The following ITGA9 variants were observed in gnomAD, a reference collection of about 807,000 sequenced individuals.
ITGA9 encodes integrin alpha-9.
A neutral mutation model predicts 127.8 loss-of-function variants in ITGA9; 56 were observed. The ratio of observed to expected loss-of-function variants is 0.44; its 90% confidence interval spans 0.35 to 0.55. The LOEUF (loss-of-function observed/expected upper bound fraction) is 0.55. ITGA9 is among the 20% of genes least tolerant of loss of function. The pLI, the probability that ITGA9 is intolerant of heterozygous loss-of-function variation, is 0.00. For missense variants in ITGA9, 1,196 were observed against 1,347.1 expected, an observed-to-expected ratio of 0.89 and a Z score of 1.76; for synonymous variants, 508 against 514.5, an observed-to-expected ratio of 0.99 and a Z score of 0.17.
chr3:37,531,656 C>T (rs1177582575), intron 13 of ITGA9, among the ~76,000 whole-genome samples: 1 of 152,178 alleles, frequency 6.6e-6, no homozygotes, highest in Admixed American at 6.5e-5. Flanking sequence ...AGGTGGAGAC[C>T]AGCTCTTCAT....
At chr3:37,531,495 A>G (rs1699151656) in intron 13 of ITGA9, among the ~76,000 whole-genome samples, 1 of 152,162 alleles carries the variant, frequency 6.6e-6, no homozygotes, top group South Asian at 2.1e-4. Flanking sequence ...TGGGCTGCCC[A>G]CGTCTGTTTC....
chr3:37,673,998 G>A (rs1018889421), intron 17 of ITGA9, among the ~76,000 whole-genome samples: 2 of 152,170 alleles, frequency 1.3e-5, no homozygotes, highest in Non-Finnish European at 2.9e-5. Context: ...CTAGGACATG[G>A]CCTTAGCCTT....
At position 37,501,835 on chromosome 3, in the gene ITGA9, G is replaced by A. The variant is rs186549936; in HGVS notation, c.613-1343G>A. On this transcript the variant is annotated intron_variant, in intron 5 of 27. Coordinates refer to ENST00000264741, the MANE Select transcript of ITGA9 (RefSeq NM_002207.3). ...CCGAAGACCAGAATTAGTTTAGAGTGTCCTAGGCATGCAGTCTGAGGGGGC... is the reference window on the plus strand; with the variant it reads ...CCGAAGACCAGAATTAGTTTAGAGTATCCTAGGCATGCAGTCTGAGGGGGC... Among the ~76,000 whole-genome samples, 400 of 152,308 alleles carry A rather than the reference G, an allele frequency of 2.6e-3. 1 individual carries two copies. Among genetic ancestry groups the A allele is most frequent in the African/African-American group, 8.9e-3 (369 of 41,572 alleles).
chr3:37,776,965 G>T (rs750423093), intron 23 of ITGA9, among the ~76,000 whole-genome samples: 1 of 152,190 alleles, frequency 6.6e-6, no homozygotes, highest in African/African-American at 2.4e-5. Context: ...CATCAGGCTT[G>T]GTCCCAAGTT....
chr3:37,707,358 A>C (rs1341612283), intron 18 of ITGA9, among the ~76,000 whole-genome samples: 1 of 152,240 alleles, frequency 6.6e-6, no homozygotes, highest in Non-Finnish European at 1.5e-5. Flanking sequence ...CACCTTCAGC[A>C]GGCAAGGAAA....
At chr3:37,475,648 T>G (rs574232930) in intron 3 of ITGA9, among the ~76,000 whole-genome samples, 3 of 152,356 alleles carry the variant, frequency 2.0e-5, no homozygotes, top group East Asian at 3.9e-4. Flanking sequence ...AGTAAGCCAC[T>G]GTATATGGGT....
intron 17 of ITGA9, among the ~76,000 whole-genome samples, chr3:37,663,118 T>A (rs1321104477): frequency 6.9e-6 from 1 of 145,138 alleles, no homozygotes; most frequent in African/African-American, 2.4e-5. Context: ...CAGGCCATTG[T>A]CAAAACGTCC....
intron 13 of ITGA9, among the ~76,000 whole-genome samples, chr3:37,532,774 C>T (rs1699167168): frequency 6.6e-6 from 1 of 152,150 alleles, no homozygotes; most frequent in Non-Finnish European, 1.5e-5. Flanking sequence ...AGCTGGGACT[C>T]CACTTATCAA....
chr3:37,682,442 C>T (rs1431498871), intron 17 of ITGA9, among the ~76,000 whole-genome samples: 3 of 152,238 alleles, frequency 2.0e-5, no homozygotes, highest in Non-Finnish European at 4.4e-5. Flanking sequence ...ACTCCTCTCT[C>T]GATTTTCCTC....
At chr3:37,771,701 C>A (rs529210335) in intron 23 of ITGA9, among the ~76,000 whole-genome samples, 64 of 152,300 alleles carry the variant, frequency 4.2e-4, no homozygotes, top group African/African-American at 1.5e-3. Context: ...CCAGAAACAA[C>A]ATTCCAGAAT....
intron 18 of ITGA9, 135 bp downstream of exon 18, chr3:37,684,150 C>T (rs1340621555): frequency 4.6e-6 from 4 of 862,072 alleles, no homozygotes; most frequent in African/African-American, 1.7e-5. Flanking sequence ...ATGATTAGAA[C>T]TTTTTTCTTC....
intron 18 of ITGA9, among the ~76,000 whole-genome samples, chr3:37,701,755 C>T (rs1266248218): frequency 1.3e-5 from 2 of 152,228 alleles, no homozygotes; most frequent in Non-Finnish European, 2.9e-5. Context: ...ACCTCACAGA[C>T]AAGGTGACTT....
intron 17 of ITGA9, among the ~76,000 whole-genome samples, chr3:37,678,824 C>T (rs1371568883): frequency 6.6e-6 from 1 of 152,152 alleles, no homozygotes; most frequent in Non-Finnish European, 1.5e-5. Flanking sequence ...CAACAAGGAA[C>T]TTTGAATGGT....
At chr3:37,667,802 T>C (rs1301514417) in intron 17 of ITGA9, among the ~76,000 whole-genome samples, 3 of 152,126 alleles carry the variant, frequency 2.0e-5, no homozygotes, top group African/African-American at 7.2e-5. Context: ...GTCAAAAAAA[T>C]TAAATAGCAG....
At chr3:37,677,977 T>C (rs1260242381) in intron 17 of ITGA9, among the ~76,000 whole-genome samples, 3 of 152,250 alleles carry the variant, frequency 2.0e-5, no homozygotes, top group Non-Finnish European at 4.4e-5. Context: ...CTAGGAAGAA[T>C]AAAATCTGCT....
At chr3:37,474,834 A>G (rs1254203019) in intron 3 of ITGA9, among the ~76,000 whole-genome samples, 1 of 152,248 alleles carries the variant, frequency 6.6e-6, no homozygotes, top group African/African-American at 2.4e-5. Flanking sequence ...GTTTTCCTTA[A>G]GGCACTAGGC....
chr3:37,548,933 A>G (rs2125593889), intron 15 of ITGA9, among the ~76,000 whole-genome samples: 1 of 152,322 alleles, frequency 6.6e-6, no homozygotes, highest in Non-Finnish European at 1.5e-5. Flanking sequence ...GGGCAAGAAA[A>G]GAGGGGAAGG....
At chr3:37,747,695 C>G (rs1279725379) in intron 22 of ITGA9, among the ~76,000 whole-genome samples, 1 of 149,534 alleles carries the variant, frequency 6.7e-6, no homozygotes, top group African/African-American at 2.5e-5. Flanking sequence ...CTATATCTGG[C>G]TTATTTCTTT....
At position 37,646,356 on chromosome 3, in the gene ITGA9, G is replaced by A. The variant is rs560061420; in HGVS notation, c.1840-7358G>A. ...AGTTGCCAGCCTTGTTCTAAAAGAA[G>A]TAGAGTAAGGATTTAGTGAGAAGCT... is the stretch of plus-strand genomic sequence containing the variant. On this transcript the variant is annotated intron_variant, in intron 16 of 27. Coordinates refer to ENST00000264741, the MANE Select transcript of ITGA9 (RefSeq NM_002207.3). Among the ~76,000 whole-genome samples the A allele has an allele frequency of 8.5e-5, 13 of 152,348 alleles. No homozygotes were observed. The South Asian group carries it at 1.0e-3, about 12-fold the overall frequency.
Sources: allele counts gnomAD v4.1 joint callset (sites outside exome capture counted in the v4.1 genomes callset), GRCh38; gene constraint gnomAD v4.1.1; transcripts MANE v1.5; gene names NCBI Gene and HGNC (gene_info 2026-07-23, HGNC 2026-07-21).